Variants in CREB5 observed in about 807,000 individuals in gnomAD.
CREB5 encodes the protein cyclic AMP-responsive element-binding protein 5.
Under a neutral mutation model 57.1 loss-of-function variants are expected in CREB5, and 19 were observed. The observed-to-expected ratio is 0.33, with a 90% CI of 0.23 to 0.49. The LOEUF (loss-of-function observed/expected upper bound fraction) is 0.49. Ranked by LOEUF, CREB5 falls within the 20% of genes least tolerant of loss-of-function variation. The pLI, the probability that CREB5 is intolerant of heterozygous loss-of-function variation, is 0.99. For synonymous variants in CREB5, 238 were observed against 238.3 expected, an observed-to-expected ratio of 1.00 and a Z score of 0.01; for missense variants, 579 against 671.6, an observed-to-expected ratio of 0.86 and a Z score of 1.52.
At chr7:28,734,206 C>CAAAA (rs61403862) in intron 7 of CREB5, among the ~76,000 whole-genome samples, 5 of 96,418 alleles carry the variant, frequency 5.2e-5, no homozygotes, top group Admixed American at 1.2e-4. Context: ...TTCAGTAGTT[C>CAAAA]AAAAAAAAAA....
chr7:28,405,869 G>C (rs1295812116), intron 1 of CREB5, among the ~76,000 whole-genome samples: 2 of 152,162 alleles, frequency 1.3e-5, no homozygotes, highest in Non-Finnish European at 2.9e-5. Context: ...GTGGTGGTAG[G>C]TGGGGAGTTC....
intron 5 of CREB5, among the ~76,000 whole-genome samples, chr7:28,631,184 T>G (rs755050147): frequency 2.0e-4 from 31 of 152,202 alleles, no homozygotes; most frequent in Non-Finnish European, 4.3e-4. Context: ...TCAGGGATGT[T>G]GATTCCTAAT....
At chr7:28,765,307 A>G (rs1239722635) in intron 7 of CREB5, among the ~76,000 whole-genome samples, 1 of 152,246 alleles carries the variant, frequency 6.6e-6, no homozygotes, top group East Asian at 1.9e-4. Context: ...GGTCAGAAAC[A>G]TAAGAGTCTG....
chr7:28,561,729 G>A (rs554230724), intron 4 of CREB5, among the ~76,000 whole-genome samples: 1 of 152,206 alleles, frequency 6.6e-6, no homozygotes, highest in Non-Finnish European at 1.5e-5. Context: ...TCTGCTGCAA[G>A]AACAGTGAAC....
intron 5 of CREB5, among the ~76,000 whole-genome samples, chr7:28,702,252 CT>C (rs1370278542): frequency 1.3e-5 from 2 of 152,106 alleles, no homozygotes; most frequent in Admixed American, 1.3e-4. Flanking sequence ...GGTTTTGATC[CT>C]TCTGGAGAGC....
At chr7:28,430,421 G>A (rs1356111606) in intron 1 of CREB5, among the ~76,000 whole-genome samples, 1 of 152,184 alleles carries the variant, frequency 6.6e-6, no homozygotes, top group African/African-American at 2.4e-5. Context: ...TCTTCTGTAA[G>A]ATGGGCATAA....
chr7:28,606,014 T>C (rs1192869798), intron 5 of CREB5, among the ~76,000 whole-genome samples: 1 of 152,198 alleles, frequency 6.6e-6, no homozygotes, highest in Non-Finnish European at 1.5e-5. Flanking sequence ...AATTTCACTA[T>C]ATGCAATTTT....
At chr7:28,796,103 C>T (rs1012978301) in intron 7 of CREB5, among the ~76,000 whole-genome samples, 3 of 152,096 alleles carry the variant, frequency 2.0e-5, no homozygotes, top group Admixed American at 6.6e-5. Flanking sequence ...GTACATTCGA[C>T]GTGTTGTGCA....
At chr7:28,755,629 A>G (rs193271281) in intron 7 of CREB5, among the ~76,000 whole-genome samples, 89 of 152,330 alleles carry the variant, frequency 5.8e-4, no homozygotes, top group African/African-American at 2.1e-3. Context: ...CAAGAAGCAC[A>G]TATCAACTAA....
intron 5 of CREB5, among the ~76,000 whole-genome samples, chr7:28,685,384 G>A (rs1336230104): frequency 6.6e-6 from 1 of 152,144 alleles, no homozygotes; most frequent in Non-Finnish European, 1.5e-5. Context: ...CACGTGTTTG[G>A]ACCAGAAGTG....
intron 5 of CREB5, among the ~76,000 whole-genome samples, chr7:28,708,023 T>C (rs996924714): frequency 6.6e-6 from 1 of 152,176 alleles, no homozygotes; most frequent in African/African-American, 2.4e-5. Context: ...CTTCTCCCCA[T>C]GATGCCTGAC....
At chr7:28,562,802 T>A (rs1795329913) in intron 4 of CREB5, among the ~76,000 whole-genome samples, 1 of 152,250 alleles carries the variant, frequency 6.6e-6, no homozygotes, top group Non-Finnish European at 1.5e-5. Flanking sequence ...GATATACTGT[T>A]GTATATTTCT....
In CREB5 at chr7:28,647,372, T is replaced by C. The variant is rs548536430; in HGVS notation, c.465-71381T>C. 8.4e-4 allele frequency among the ~76,000 whole-genome samples: 128 copies of C among 152,052 alleles called. No homozygotes were observed. In the South Asian group the frequency reaches 9.6e-3, roughly 11 times the overall value. On this transcript the variant is annotated intron_variant, in intron 5 of 10. Coordinates refer to ENST00000357727, the MANE Select transcript of CREB5 (RefSeq NM_182898.4). ...CTGCTAAGACCTTATTCAACAGAAATTCCCCCCAAAAGAGGAAAGTAGATT... is the reference window on the plus strand; with the variant it reads ...CTGCTAAGACCTTATTCAACAGAAACTCCCCCCAAAAGAGGAAAGTAGATT...
chr7:28,754,360 G>T (rs966212331), intron 7 of CREB5, among the ~76,000 whole-genome samples: 6 of 152,206 alleles, frequency 3.9e-5, no homozygotes, highest in African/African-American at 1.4e-4. Context: ...CCAAAGGAGA[G>T]CCAGAACTGC....
chr7:28,327,163 A>G (rs12669922), intron 1 of CREB5, among the ~76,000 whole-genome samples: 34 of 149,598 alleles, frequency 2.3e-4, no homozygotes, highest in Non-Finnish European at 2.7e-4. Flanking sequence ...AAAAAAAAAA[A>G]AAAAAGGAAA....
At chr7:28,535,322 G>A (rs1306819583) in intron 4 of CREB5, among the ~76,000 whole-genome samples, 1 of 137,854 alleles carries the variant, frequency 7.3e-6, no homozygotes, top group African/African-American at 2.7e-5. Context: ...AAGGAGGGAG[G>A]GAGGGAGGGA....
At chr7:28,605,896 G>A (rs1349888694) in intron 5 of CREB5, among the ~76,000 whole-genome samples, 1 of 152,192 alleles carries the variant, frequency 6.6e-6, no homozygotes, top group Non-Finnish European at 1.5e-5. Context: ...CAAAAGGCAG[G>A]AGAGAATTTT....
chr7:28,630,110 G>A (rs1798148291), intron 5 of CREB5, among the ~76,000 whole-genome samples: 1 of 152,194 alleles, frequency 6.6e-6, no homozygotes, highest in Admixed American at 6.5e-5. Context: ...AGCCTGAACT[G>A]TTCCTGAATC....
chr7:28,482,436 A>T lies in CREB5; in HGVS notation c.4-5739A>T, dbSNP rs560193830. On this transcript the variant is annotated intron_variant, in intron 1 of 10. Transcript: ENST00000357727. ...GTGCAAATTGGCCATGGCCTTAACT[A>T]ATATAATTAATAAACAACATTTGTT... Among the ~76,000 whole-genome samples, 10 of 152,332 alleles carry T rather than the reference A, an allele frequency of 6.6e-5. No individual in the cohort carries two copies. In the East Asian group the frequency reaches 1.9e-3, roughly 29 times the overall value.
Sources: allele counts gnomAD v4.1 joint callset (sites outside exome capture counted in the v4.1 genomes callset), GRCh38; gene constraint gnomAD v4.1.1; transcripts MANE v1.5; gene names NCBI Gene and HGNC (gene_info 2026-07-23, HGNC 2026-07-21).